ASIP: variants seen among roughly 807,000 people sequenced by gnomAD.
ASIP encodes agouti signaling protein.
A neutral mutation model predicts 10.3 loss-of-function variants in ASIP; 11 were observed. That is an observed-to-expected ratio of 1.07 (90% CI 0.68 to 1.78). ASIP has a LOEUF of 1.78. Among genes scored for constraint, ASIP ranks in the 40% most tolerant of loss-of-function variants. The pLI, the probability that ASIP is intolerant of heterozygous loss-of-function variation, is 0.00. For missense variants in ASIP, 180 were observed against 169.2 expected (o/e 1.06, Z -0.35); for synonymous variants, 70 against 70.8 (o/e 0.99, Z 0.06).
intron 1 of ASIP, among the ~76,000 whole-genome samples, chr20:34,227,150 G>A (rs1171977528): frequency 2.0e-5 from 3 of 151,958 alleles, no homozygotes; most frequent in African/African-American, 7.3e-5. Context: ...CAAGTTTGAA[G>A]CATACAAGAT....
At chr20:34,262,749 A>G in intron 2 of ASIP, 83 bp from the exon 3 acceptor site, 1 of 1,510,662 alleles carries the variant, frequency 6.6e-7, no homozygotes, top group Non-Finnish European at 9.2e-7. Context: ...GTGACTTCCC[A>G]AGCCCCCTCT....
chr20:34,261,480 A>G (rs929512758), intron 2 of ASIP, among the ~76,000 whole-genome samples: 1 of 152,204 alleles, frequency 6.6e-6, no homozygotes, highest in Non-Finnish European at 1.5e-5. Flanking sequence ...TTAAAAATAC[A>G]AAAATTAACC....
intron 1 of ASIP, among the ~76,000 whole-genome samples, chr20:34,235,866 AAAGGAAGG>A (rs551494077): frequency 0.072 from 2,610 of 36,494 alleles, 310 homozygotes; most frequent in Admixed American, 0.21. Context: ...GGAAGGAAGG[AAAGGAAGG>A]AAGGAAGGAA....
At chr20:34,267,459 CAAAAAAAAAAA>C (rs953440256) in intron 3 of ASIP, among the ~76,000 whole-genome samples, 2 of 46,280 alleles carry the variant, frequency 4.3e-5, no homozygotes, top group Admixed American at 2.6e-4. Context: ...AACTGGCTCT[CAAAAAAAAAAA>C]AAAAAAAAAA....
intron 1 of ASIP, among the ~76,000 whole-genome samples, chr20:34,230,726 C>A (rs1601581465): frequency 2.5e-5 from 1 of 40,180 alleles, no homozygotes; most frequent in African/African-American, 2.0e-4. Flanking sequence ...GGGGGCTGAC[C>A]CCCCCACCTC....
intron 1 of ASIP, among the ~76,000 whole-genome samples, chr20:34,210,802 G>T (rs1228049986): frequency 1.3e-5 from 2 of 152,190 alleles, no homozygotes; most frequent in Non-Finnish European, 2.9e-5. Flanking sequence ...TCCCCATTTA[G>T]CATGCTGTTA....
chr20:34,196,543 C>T (rs1426688543), intron 1 of ASIP, among the ~76,000 whole-genome samples: 1 of 151,820 alleles, frequency 6.6e-6, no homozygotes, highest in East Asian at 1.9e-4. Flanking sequence ...GCGGGCGGGA[C>T]GTCATCTTTG....
chr20:34,232,083 C>T (rs1337752616), intron 1 of ASIP, among the ~76,000 whole-genome samples: 1 of 152,176 alleles, frequency 6.6e-6, no homozygotes, highest in Non-Finnish European at 1.5e-5. Flanking sequence ...AACACAAAGG[C>T]CCAGATGAAG....
At chr20:34,203,068 A>G (rs948673881) in intron 1 of ASIP, among the ~76,000 whole-genome samples, 7 of 151,940 alleles carry the variant, frequency 4.6e-5, no homozygotes, top group African/African-American at 1.7e-4. Flanking sequence ...TCGGCCTCCC[A>G]AAGTGCTGGG....
At chr20:34,266,800 A>G (rs2035794632) in intron 3 of ASIP, among the ~76,000 whole-genome samples, 1 of 152,242 alleles carries the variant, frequency 6.6e-6, no homozygotes, top group Non-Finnish European at 1.5e-5. Context: ...TTTTTATTGT[A>G]TAATTCAGGA....
chr20:34,200,965 TTTCTTTCC>T (rs1370226914), intron 1 of ASIP, among the ~76,000 whole-genome samples: 53 of 87,712 alleles, frequency 6.0e-4, no homozygotes, highest in South Asian at 1.8e-3. Flanking sequence ...TCTTTCTTTC[TTTCTTTCC>T]TTCCTTCCTT....
intron 1 of ASIP, among the ~76,000 whole-genome samples, chr20:34,217,852 C>A (rs564673172): frequency 6.6e-6 from 1 of 152,214 alleles, no homozygotes; most frequent in East Asian, 1.9e-4. Flanking sequence ...CGTGAGCCAC[C>A]GCGCCCAGCC....
intron 1 of ASIP, among the ~76,000 whole-genome samples, chr20:34,224,531 A>T (rs1224464626): frequency 6.6e-6 from 1 of 152,188 alleles, no homozygotes; most frequent in Non-Finnish European, 1.5e-5. Context: ...GTTATGAATC[A>T]GAAACATGCA....
intron 1 of ASIP, among the ~76,000 whole-genome samples, chr20:34,207,537 C>T (rs1038282395): frequency 2.6e-5 from 4 of 152,072 alleles, no homozygotes; most frequent in African/African-American, 4.8e-5. Flanking sequence ...TTGATATTAT[C>T]GCATTTGTCC....
chr20:34,263,032 A>T, intron 3 of ASIP, 139 bp downstream of exon 3: 6 of 1,008,818 alleles, frequency 5.9e-6, no homozygotes, highest in Non-Finnish European at 8.6e-6. Context: ...AAAGCTACTA[A>T]AGACTTCCTG....
chr20:34,260,922 G>C (rs925113707), intron 2 of ASIP, among the ~76,000 whole-genome samples: 4 of 152,166 alleles, frequency 2.6e-5, no homozygotes, highest in African/African-American at 9.7e-5. Context: ...GGGAATGAAG[G>C]CTCAGGGGAA....
chr20:34,213,674 G>C (rs2034989123), intron 1 of ASIP: 10 of 1,549,570 alleles, frequency 6.5e-6, no homozygotes, highest in Non-Finnish European at 8.9e-6. Context: ...CAATCTTTGA[G>C]TATATGTTCT....
At chr20:34,233,591 T>C (rs1028054844) in intron 1 of ASIP, among the ~76,000 whole-genome samples, 2 of 152,318 alleles carry the variant, frequency 1.3e-5, no homozygotes, top group African/African-American at 2.4e-5. Flanking sequence ...TACATCTCAA[T>C]TAAGCTGTTT....
intron 1 of ASIP, among the ~76,000 whole-genome samples, chr20:34,257,026 A>G (rs1568767553): frequency 1.3e-5 from 2 of 148,474 alleles, no homozygotes; most frequent in South Asian, 2.2e-4. Context: ...TTAAAGTTGA[A>G]TTTCTTTCTT....
Sources: gnomAD v4.1 joint callset for allele counts (sites outside exome capture counted in the v4.1 genomes callset) on GRCh38, gnomAD v4.1.1 for gene constraint, MANE v1.5 for transcripts, NCBI Gene and HGNC (gene_info 2026-07-23, HGNC 2026-07-21) for gene names.